The following MBD5 variants were observed in gnomAD, a reference collection of about 807,000 sequenced individuals.
MBD5 encodes methyl-CpG binding domain protein 5.
MBD5 carries 13 observed loss-of-function variants against 117.3 expected under a neutral mutation model. That is an observed-to-expected ratio of 0.11 (90% CI 0.07 to 0.18). The LOEUF (loss-of-function observed/expected upper bound fraction) is 0.18. Ranked by LOEUF, MBD5 falls within the 10% of genes least tolerant of loss-of-function variation. MBD5 has a pLI of 1.00. For missense variants in MBD5, 1,879 were observed against 2,093.8 expected (o/e 0.90, Z 2.00); for synonymous variants, 727 against 766.4 (o/e 0.95, Z 0.85).
chr2:148,489,587 G>A lies in MBD5; in HGVS notation c.3955G>A (p.Asp1319Asn). Residue 1319 changes from aspartate to asparagine, a missense_variant, in exon 11 of 14, where the codon GAT becomes AAT. Transcript: ENST00000642680. ...VVGGPGDASV[D>N]AIYKAVVDAA... is the part of the protein sequence containing the mutation. ...GGGTGGCCCAGGTGATGCTTCCGTA[G>A]ATGCCATTTACAAAGCAGTTGTCGA... 1 of 1,614,162 alleles carries A rather than the reference G, an allele frequency of 6.2e-7. No homozygotes were observed. The highest frequency in any genetic ancestry group is 2.2e-5 in the East Asian group (1 of 44,874).
intron 11 of MBD5, among the ~76,000 whole-genome samples, chr2:148,497,991 A>G (rs949395644): frequency 2.0e-5 from 3 of 152,156 alleles, no homozygotes; most frequent in African/African-American, 7.2e-5. Flanking sequence ...TGAAGCTCAG[A>G]GAAGTGGCAT....
chr2:148,340,413 A>G (rs1168239437), intron 3 of MBD5, among the ~76,000 whole-genome samples: 2 of 152,150 alleles, frequency 1.3e-5, no homozygotes, highest in African/African-American at 4.8e-5. Context: ...TCAAGGTATG[A>G]TATCATGTAA....
chr2:148,389,325 A>G (rs1704494148), intron 4 of MBD5, among the ~76,000 whole-genome samples: 1 of 125,570 alleles, frequency 8.0e-6, no homozygotes, highest in Non-Finnish European at 1.6e-5. Context: ...TATCCAACCC[A>G]ACCCAGCATT....
intron 3 of MBD5, among the ~76,000 whole-genome samples, chr2:148,280,195 A>G (rs1701216897): frequency 6.6e-6 from 1 of 151,750 alleles, no homozygotes; most frequent in South Asian, 2.1e-4. Flanking sequence ...ATTTTAATAC[A>G]TATGTGGACT....
At chr2:148,059,541 T>G (rs1410928387) in intron 1 of MBD5, among the ~76,000 whole-genome samples, 2 of 152,162 alleles carry the variant, frequency 1.3e-5, no homozygotes, top group Non-Finnish European at 2.9e-5. Flanking sequence ...TAAAAATTAC[T>G]TTTCAATTAA....
At chr2:148,418,623 A>G (rs1705499881) in intron 4 of MBD5, among the ~76,000 whole-genome samples, 2 of 152,198 alleles carry the variant, frequency 1.3e-5, no homozygotes, top group Non-Finnish European at 2.9e-5. Flanking sequence ...TCCCTTTTAC[A>G]ATAGCTACAA....
chr2:148,263,749 G>A (rs147101548), intron 3 of MBD5, among the ~76,000 whole-genome samples: 84 of 152,326 alleles, frequency 5.5e-4, no homozygotes, highest in Non-Finnish European at 9.1e-4. Context: ...CTATGCATTA[G>A]CAATGAAATC....
intron 1 of MBD5, among the ~76,000 whole-genome samples, chr2:148,127,968 A>G (rs1696943179): frequency 1.3e-5 from 2 of 152,066 alleles, no homozygotes; most frequent in Admixed American, 6.5e-5. Flanking sequence ...TTTAATTTGC[A>G]TTTCTCTAAT....
intron 1 of MBD5, among the ~76,000 whole-genome samples, chr2:148,152,563 T>A (rs1409886913): frequency 6.6e-6 from 1 of 152,072 alleles, no homozygotes; most frequent in Non-Finnish European, 1.5e-5. Flanking sequence ...ATTATTAATG[T>A]GTGGGAGTCT....
intron 10 of MBD5, among the ~76,000 whole-genome samples, chr2:148,486,563 C>G (rs1362965944): frequency 6.6e-6 from 1 of 152,058 alleles, no homozygotes; most frequent in Non-Finnish European, 1.5e-5. Flanking sequence ...AGACAAATGA[C>G]AACCTGGCAG....
At chr2:148,276,224 G>T (rs1461746933) in intron 3 of MBD5, among the ~76,000 whole-genome samples, 4 of 152,118 alleles carry the variant, frequency 2.6e-5, no homozygotes, top group Admixed American at 2.0e-4. Context: ...GGGGGCTGAG[G>T]CAGGAGAATA....
rs569861538 is a variant in MBD5 at position 148,450,228 on chromosome 2, T to A, written c.-556-7975T>A. On this transcript the variant is annotated intron_variant, in intron 4 of 13. Coordinates refer to ENST00000642680, the MANE Select transcript of MBD5 (RefSeq NM_001378120.1). Reference sequence around the variant, plus strand: ...CAATCCTATATGGTTATAATCTCCATTTTATAAGAAATTTTAAAACTTGTG... The same window carrying A: ...CAATCCTATATGGTTATAATCTCCAATTTATAAGAAATTTTAAAACTTGTG... Among the ~76,000 whole-genome samples, 4 of 152,240 alleles carry A rather than the reference T, an allele frequency of 2.6e-5. No homozygotes were observed. In the South Asian group the frequency reaches 8.3e-4, roughly 32 times the overall value.
chr2:148,027,021 TTA>T (rs1693914987), intron 1 of MBD5: 1 of 152,330 alleles, frequency 6.6e-6, no homozygotes, highest in South Asian at 2.1e-4. Flanking sequence ...TAATATTTTC[TTA>T]TATGAAGTTC....
At chr2:148,479,760 CT>C (rs1368232180) in intron 8 of MBD5, among the ~76,000 whole-genome samples, 1 of 150,728 alleles carries the variant, frequency 6.6e-6, no homozygotes, top group Non-Finnish European at 1.5e-5. Flanking sequence ...CATAGAGGCC[CT>C]TTATATTTCC....
In MBD5 at chr2:148,210,338, A is replaced by G. The variant is rs1033370328; in HGVS notation, c.-830-22907A>G. Among the ~76,000 whole-genome samples, 4 of 151,954 alleles carry G rather than the reference A, an allele frequency of 2.6e-5. No individual in the cohort carries two copies. In the East Asian group the frequency reaches 7.7e-4, roughly 29 times the overall value. On this transcript the variant is annotated intron_variant, in intron 2 of 13. Coordinates refer to ENST00000642680, the MANE Select transcript of MBD5 (RefSeq NM_001378120.1). ...TTAAGGATGTACCATTTAGAAAAAA[A>G]CTGGTTAATTCTTTTTTTTTGAATA...
intron 7 of MBD5, among the ~76,000 whole-genome samples, chr2:148,464,372 C>T (rs79266528): frequency 1.8e-3 from 268 of 152,230 alleles, no homozygotes; most frequent in East Asian, 0.013. Flanking sequence ...ACCACACACA[C>T]GCATGCATGG....
chr2:148,197,864 A>G (rs1574124625), intron 2 of MBD5, among the ~76,000 whole-genome samples: 1 of 121,746 alleles, frequency 8.2e-6, no homozygotes, highest in East Asian at 2.5e-4. Flanking sequence ...CCCAGGCTGG[A>G]GTACAATGGT....
chr2:148,145,432 C>T (rs1246766970), intron 1 of MBD5, among the ~76,000 whole-genome samples: 1 of 152,114 alleles, frequency 6.6e-6, no homozygotes, highest in Non-Finnish European at 1.5e-5. Flanking sequence ...TAATTGAATA[C>T]CCTTTATTTC....
chr2:148,239,936 A>G (rs1558986486), intron 3 of MBD5, among the ~76,000 whole-genome samples: 1 of 152,160 alleles, frequency 6.6e-6, no homozygotes, highest in Non-Finnish European at 1.5e-5. Context: ...AAAGGATTAT[A>G]AATCATGCTG....
Sources: allele counts gnomAD v4.1 joint callset (sites outside exome capture counted in the v4.1 genomes callset), GRCh38; gene constraint gnomAD v4.1.1; transcripts MANE v1.5; gene names NCBI Gene and HGNC (gene_info 2026-07-23, HGNC 2026-07-21).